MED23: variants seen among roughly 807,000 people sequenced by gnomAD.
MED23 encodes the protein mediator of RNA polymerase II transcription subunit 23.
Under a neutral mutation model 163.9 loss-of-function variants are expected in MED23, and 105 were observed. The ratio of observed to expected loss-of-function variants is 0.64; its 90% CI spans 0.55 to 0.75. The LOEUF (loss-of-function observed/expected upper bound fraction) is 0.75, where lower values mean the gene tolerates loss of function less well. Ranked by LOEUF, MED23 falls within the 30% of genes least tolerant of loss-of-function variation. The pLI is 0.00. For missense variants in MED23, 1,054 were observed against 1,649.0 expected, an observed-to-expected ratio of 0.64 and a Z score of 6.25; for synonymous variants, 561 against 565.6, an observed-to-expected ratio of 0.99 and a Z score of 0.12.
At chr6:131,579,463 AT>A (rs1773805625) in intron 30 of MED23, 1 of 596,778 alleles carries the variant, frequency 1.7e-6, no homozygotes, top group Non-Finnish European at 2.8e-6. Flanking sequence ...ACTTCGCTCA[AT>A]TTGAAGTCTT....
At chr6:131,591,205 C>T in intron 26 of MED23, 108 bp downstream of exon 26, 1 of 816,568 alleles carries the variant, frequency 1.2e-6, no homozygotes, top group Non-Finnish European at 2.1e-6. Context: ...GTCTCAATCG[C>T]CTGACCTTGT....
chr6:131,605,174 A>C (rs1266248008), intron 14 of MED23, 66 bp downstream of exon 14: 1 of 1,542,238 alleles, frequency 6.5e-7, no homozygotes. Context: ...AAATCATGAA[A>C]TAAAGGTTTA....
downstream of MED23, chr6:131,583,194 G>A (rs1316435638): frequency 6.2e-7 from 1 of 1,602,484 alleles, no homozygotes; most frequent in Non-Finnish European, 8.5e-7. Context: ...GCACACATGT[G>A]TGTGCAACAG....
chr6:131,620,193 C>G (rs1776989941), intron 7 of MED23, among the ~76,000 whole-genome samples: 1 of 151,948 alleles, frequency 6.6e-6, no homozygotes, highest in Non-Finnish European at 1.5e-5. Flanking sequence ...AGAAATACAT[C>G]ATGATTAAAA....
intron 30 of MED23, among the ~76,000 whole-genome samples, chr6:131,575,360 C>G (rs998563275): frequency 5.9e-5 from 9 of 151,976 alleles, no homozygotes; most frequent in African/African-American, 2.2e-4. Flanking sequence ...AAAACAGACA[C>G]AAAACTAAAG....
rs765897839 is a variant in MED23 at position 131,598,223 on chromosome 6, A to C, written c.2607+64T>G. On this transcript the variant is annotated intron_variant, in intron 20 of 28. Coordinates refer to ENST00000368068, the MANE Select transcript of MED23 (RefSeq NM_004830.4). This position sits in a 1 kb window ranked among gnomAD's most constrained non-coding sequence, Gnocchi z 4.7. The stretch of plus-strand genomic sequence containing the variant: ...TCAAAGCAATATAGAGCAGATTGGC[A>C]TAACATATATTAGTCATACATCTTG... 10 of 1,456,680 alleles carry C rather than the reference A, an allele frequency of 6.9e-6. No individual in the cohort carries two copies. The highest frequency in any genetic ancestry group is 2.8e-5 in the African/African-American group (2 of 71,888). 90.2% of individuals were successfully genotyped at this position (1,456,680 alleles called of 1,614,324 possible).
intron 30 of MED23, among the ~76,000 whole-genome samples, chr6:131,580,904 T>G (rs1773885690): frequency 6.6e-6 from 1 of 152,222 alleles, no homozygotes; most frequent in Non-Finnish European, 1.5e-5. Flanking sequence ...ATTTCTTGTG[T>G]GGCTAGTATT....
rs1305121265 is a variant in MED23 at position 131,623,482 on chromosome 6, C to T, written c.285-20G>A. 5 of 1,597,648 alleles carry T rather than the reference C, an allele frequency of 3.1e-6. No homozygotes were observed. The highest frequency in any genetic ancestry group is 4.3e-6 in the Non-Finnish European group (5 of 1,165,200). On this transcript the variant is annotated intron_variant, in intron 4 of 28. Transcript: ENST00000368068. ...ACCAGCCTATAAAAAAAGAAATAGC[C>T]ATTCCAGTTACAAGACAGAATTTTC... is the stretch of plus-strand genomic sequence containing the variant.
At chr6:131,625,905 G>T (rs573972126) in intron 3 of MED23, among the ~76,000 whole-genome samples, 1 of 151,950 alleles carries the variant, frequency 6.6e-6, no homozygotes, top group Non-Finnish European at 1.5e-5. Context: ...GGCAGATCAT[G>T]AGGTCGGGAG....
At chr6:131,622,733 G>A (rs994702998) in intron 5 of MED23, among the ~76,000 whole-genome samples, 17 of 152,174 alleles carry the variant, frequency 1.1e-4, no homozygotes, top group African/African-American at 4.1e-4. Context: ...ATAATTATCT[G>A]TTAGGTCATT....
At chr6:131,627,898 G>C in intron 1 of MED23, 113 bp downstream of exon 1, 1 of 1,373,004 alleles carries the variant, frequency 7.3e-7, no homozygotes, top group South Asian at 1.2e-5. Flanking sequence ...CAAAACAAGG[G>C]AATAAAAAGG....
intron 21 of MED23, 152 bp downstream of exon 21, chr6:131,596,366 C>T (rs1335319805): frequency 2.8e-5 from 27 of 975,226 alleles, no homozygotes; most frequent in Non-Finnish European, 3.3e-5. Flanking sequence ...TATAGAAACT[C>T]TCAAACCTTG....
At chr6:131,583,142 ACACT>A (rs756080885), downstream of MED23, 9 of 1,613,818 alleles carry the variant, frequency 5.6e-6, no homozygotes, top group Non-Finnish European at 7.6e-6. Context: ...GATGGAAGAA[ACACT>A]CAGCTATCTA....
rs1776168333 is a variant in MED23 at position 131,610,072 on chromosome 6, G to A, written c.1051C>T (p.His351Tyr). Reference protein sequence around the residue: ...FVLFQFASFPHMVLSLHQKLA... With the variant: ...FVLFQFASFPYMVLSLHQKLA... ...TTCTGATGAAGAGAAAGCACCATAT[G>A]TGGAAAACTTGCAAACTGGAAAAGC... The change falls in exon 11 of 29, where the codon CAT (histidine) becomes TAT (tyrosine). Residue 351 changes from histidine (H) to tyrosine (Y), a missense_variant. Physicochemically the swap from His to Tyr is moderately conservative, Grantham distance 83. Coordinates refer to ENST00000368068, the MANE Select transcript of MED23 (RefSeq NM_004830.4). 5 of 1,613,920 alleles carry A rather than the reference G, an allele frequency of 3.1e-6. No individual in the cohort carries two copies. The highest frequency in any genetic ancestry group is 4.2e-6 in the Non-Finnish European group (5 of 1,179,880).
chr6:131,587,740 T>A lies in MED23; in HGVS notation c.4046A>T (p.Asn1349Ile), dbSNP rs1198897993. 1 of 1,614,048 alleles carries A rather than the reference T, an allele frequency of 6.2e-7. No individual in the cohort carries two copies. The highest frequency in any genetic ancestry group is 8.5e-7 in the Non-Finnish European group (1 of 1,180,008). Residue 1349 changes from asparagine to isoleucine, a missense_variant, in exon 29 of 29, where the codon AAC becomes ATC. Asn to Ile is a moderately radical substitution (Grantham distance 149, BLOSUM62 -3). Coordinates refer to ENST00000368068, the MANE Select transcript of MED23 (RefSeq NM_004830.4). ...AGACTGAGGTGCTGGAGACCCACTG[T>A]TCATGGCTTGTGGAGGCACTGCAGC... ...EPAAVPPQAM[N>I]SGSPAPQSNQ...
chr6:131,588,234 C>T (rs775273800), intron 28 of MED23, among the ~76,000 whole-genome samples: 9 of 152,184 alleles, frequency 5.9e-5, no homozygotes, highest in Non-Finnish European at 1.3e-4. Context: ...TTTTAAAATG[C>T]CATCTTTACA....
chr6:131,627,180 C>T (rs758309337), intron 3 of MED23: 104 of 535,502 alleles, frequency 1.9e-4, no homozygotes, highest in Middle Eastern at 4.9e-4. Flanking sequence ...ACATCTCACA[C>T]TGTGCAGTAT....
chr6:131,587,450 A>T lies in MED23; in HGVS notation c.*229T>A, dbSNP rs964384502. 4.7e-5 allele frequency: 65 copies of T among 1,369,190 alleles called. No individual in the cohort carries two copies. The highest frequency in any genetic ancestry group is 5.8e-5 in the Non-Finnish European group (61 of 1,060,240). The allele number at this position is 1,369,190 out of a possible 1,614,324, so 84.8% of individuals were successfully genotyped here. ...TACATAGCTCTAATAAGTTGTTATG[A>T]ATATGAACAACATGTATCTTACTTG... On this transcript the variant is annotated 3_prime_UTR_variant, in exon 29 of 29. Coordinates refer to ENST00000368068, the MANE Select transcript of MED23 (RefSeq NM_004830.4).
chr6:131,605,164 A>C (rs1205645112), intron 14 of MED23, 76 bp downstream of exon 14: 1 of 1,507,136 alleles, frequency 6.6e-7, no homozygotes, highest in East Asian at 2.3e-5. Flanking sequence ...TACGCACATA[A>C]AATCATGAAA....
Sources: gnomAD v4.1 joint callset for allele counts (sites outside exome capture counted in the v4.1 genomes callset) on GRCh38, gnomAD v4.1.1 for gene constraint, Gnocchi (gnomAD v3.1) non-coding constraint, MANE v1.5 for transcripts, NCBI Gene and HGNC (gene_info 2026-07-23, HGNC 2026-07-21) for gene names.